The following FBXW4 variants were observed in gnomAD, a reference collection of about 807,000 sequenced individuals.
The protein encoded by FBXW4 is F-box/WD repeat-containing protein 4.
A neutral mutation model predicts 61.8 loss-of-function variants in FBXW4; 40 were observed. That is an observed-to-expected ratio of 0.65 (90% confidence interval 0.50 to 0.84). The LOEUF (loss-of-function observed/expected upper bound fraction) is 0.84, where lower values mean the gene tolerates loss of function less well. FBXW4 is among the 40% of genes least tolerant of loss of function. FBXW4 has a pLI of 0.00. For synonymous variants in FBXW4, 311 were observed against 313.8 expected (o/e 0.99, Z 0.10); for missense variants, 672 against 753.8 (o/e 0.89, Z 1.27).
intron 6 of FBXW4, among the ~76,000 whole-genome samples, chr10:101,613,650 C>T (rs2063804966): frequency 6.6e-6 from 1 of 152,228 alleles, no homozygotes; most frequent in African/African-American, 2.4e-5. Context: ...GTCCTTCCAC[C>T]TCACTGAGAC....
chr10:101,670,002 G>A (rs565992029), intron 4 of FBXW4, among the ~76,000 whole-genome samples: 1 of 152,068 alleles, frequency 6.6e-6, no homozygotes, highest in African/African-American at 2.4e-5. Context: ...TGATCCACCC[G>A]CCTCAGCCTC....
chr10:101,682,340 G>A (rs745872245), intron 1 of FBXW4, among the ~76,000 whole-genome samples: 3 of 151,940 alleles, frequency 2.0e-5, no homozygotes, highest in Non-Finnish European at 2.9e-5. Flanking sequence ...TCACTATAGA[G>A]CCACCTACAC....
At position 101,611,681 on chromosome 10, in the gene FBXW4, A is replaced by C. The variant is rs377362266; in HGVS notation, c.1531T>G (p.Ser511Ala). 10 of 1,614,074 alleles carry C rather than the reference A, an allele frequency of 6.2e-6. No individual in the cohort carries two copies. Among genetic ancestry groups the C allele is most frequent in the Non-Finnish European group, 8.5e-6 (10 of 1,180,040 alleles). ...DGNHLLATGS[S>A]YYGVVRLWDR... ...CACAGCCGTACAACACCGTAGTAGG[A>C]GGAACCTGTGGCCAGCAGGTGGTTG... is the stretch of plus-strand genomic sequence containing the variant. Residue 511 changes from serine (S) to alanine (A), a missense_variant, in exon 8 of 9, where the codon TCC (serine) becomes GCC (alanine). Physicochemically the swap from Ser to Ala is moderately conservative, Grantham distance 99. This residue lies in a region of FBXW4 where 312 missense variants were observed against 370.1 expected (regional missense o/e 0.84). Transcript: ENST00000331272. The surrounding 1 kb of genome is among the most constrained non-coding windows in gnomAD (Gnocchi z 4.9).
chr10:101,629,291 C>CTT (rs200313671), intron 5 of FBXW4, among the ~76,000 whole-genome samples: 15 of 147,236 alleles, frequency 1.0e-4, no homozygotes, highest in East Asian at 9.9e-4. Flanking sequence ...ACCACTTTCC[C>CTT]TTTTTTTTTT....
chr10:101,643,063 G>C (rs906674440), intron 5 of FBXW4, among the ~76,000 whole-genome samples: 1 of 152,182 alleles, frequency 6.6e-6, no homozygotes, highest in Non-Finnish European at 1.5e-5. Flanking sequence ...GGAGAAGGCA[G>C]GGCTTTGCCA....
chr10:101,642,038 C>A (rs1333787150), intron 5 of FBXW4, among the ~76,000 whole-genome samples: 1 of 152,040 alleles, frequency 6.6e-6, no homozygotes, highest in South Asian at 2.1e-4. Flanking sequence ...TGGTGGCACA[C>A]GCCTGTGATC....
At chr10:101,685,623 T>C (rs1440046218) in intron 1 of FBXW4, among the ~76,000 whole-genome samples, 1 of 152,174 alleles carries the variant, frequency 6.6e-6, no homozygotes, top group African/African-American at 2.4e-5. Context: ...GTTCAAACAG[T>C]AACACACCAG....
intron 5 of FBXW4, among the ~76,000 whole-genome samples, chr10:101,655,069 A>C (rs2064174650): frequency 6.6e-6 from 1 of 152,118 alleles, no homozygotes; most frequent in Admixed American, 6.6e-5. Context: ...GGTTCAAGTG[A>C]ACCTCCTACC....
At chr10:101,690,562 T>C (rs950042638) in intron 1 of FBXW4, among the ~76,000 whole-genome samples, 3 of 152,224 alleles carry the variant, frequency 2.0e-5, no homozygotes, top group Admixed American at 6.5e-5. Flanking sequence ...GGTTTTAAAG[T>C]GGCCAGAATG....
intron 5 of FBXW4, among the ~76,000 whole-genome samples, chr10:101,654,039 TGAA>T (rs2064165602): frequency 6.8e-6 from 1 of 146,868 alleles, no homozygotes; most frequent in Non-Finnish European, 1.5e-5. Context: ...GAGAATCACT[TGAA>T]CCCTGGAGGC....
Position 101,672,934 on chromosome 10 carries a change from G to A in FBXW4, c.1121C>T (p.Ser374Phe). 6.2e-7 allele frequency: 1 copy of A among 1,613,924 alleles called. No homozygotes were observed. Among genetic ancestry groups the A allele is most frequent in the South Asian group, 1.1e-5 (1 of 91,060 alleles). Residue 374 changes from serine (S) to phenylalanine (F), a missense_variant, in exon 4 of 9, where the codon TCC becomes TTC. Physicochemically the swap from Ser to Phe is radical, Grantham distance 155. Coordinates refer to ENST00000331272, the MANE Select transcript of FBXW4 (RefSeq NM_022039.4). ...DCKGGIIVSGSRDRTAKVWPL... is the reference protein window; with the variant it reads ...DCKGGIIVSGFRDRTAKVWPL... The stretch of plus-strand genomic sequence containing the variant: ...CCTCACCTTGGCCGTCCTGTCCCTG[G>A]AGCCACTCACAATGATGCCCCCTTT...
Position 101,611,855 on chromosome 10 carries a change from G to T in FBXW4, c.1443-86C>A. ...TTCTTGGGCCTAGAGTGGCTGAGGGGAGCGTTAAGGAGCCATTCCGGGATG... is the reference window on the plus strand; with the variant it reads ...TTCTTGGGCCTAGAGTGGCTGAGGGTAGCGTTAAGGAGCCATTCCGGGATG... On this transcript the variant is annotated intron_variant, in intron 7 of 8. Coordinates refer to ENST00000331272, the MANE Select transcript of FBXW4 (RefSeq NM_022039.4). This position sits in a 1 kb window ranked among gnomAD's most constrained non-coding sequence, Gnocchi z 4.9. The T allele has an allele frequency of 2.8e-6, 4 of 1,417,574 alleles. No homozygotes were observed. Among genetic ancestry groups the T allele is most frequent in the Non-Finnish European group, 3.8e-6 (4 of 1,057,216 alleles). The allele number at this position is 1,417,574 out of a possible 1,614,324, so 87.8% of individuals were successfully genotyped here.
At chr10:101,642,368 T>C (rs997239312) in intron 5 of FBXW4, among the ~76,000 whole-genome samples, 5 of 146,572 alleles carry the variant, frequency 3.4e-5, no homozygotes, top group Admixed American at 2.1e-4. Flanking sequence ...CTGGCCAACA[T>C]AGCGGGACCC....
chr10:101,622,485 T>G (rs1047425220), intron 6 of FBXW4, among the ~76,000 whole-genome samples: 1 of 152,164 alleles, frequency 6.6e-6, no homozygotes, highest in Admixed American at 6.5e-5. Flanking sequence ...CCCAGCACTT[T>G]GGGAGGCCGA....
chr10:101,653,819 C>T (rs535196340), intron 5 of FBXW4, among the ~76,000 whole-genome samples: 13 of 152,208 alleles, frequency 8.5e-5, no homozygotes, highest in African/African-American at 2.6e-4. Flanking sequence ...GCATTCAATA[C>T]ATCCATAAGA....
chr10:101,658,936 C>T (rs777980721), intron 5 of FBXW4, among the ~76,000 whole-genome samples: 8 of 151,936 alleles, frequency 5.3e-5, no homozygotes, highest in Non-Finnish European at 4.4e-5. Flanking sequence ...CATGACAAGG[C>T]CACTGGAACG....
At chr10:101,630,549 C>A (rs2063944509) in intron 5 of FBXW4, among the ~76,000 whole-genome samples, 1 of 152,206 alleles carries the variant, frequency 6.6e-6, no homozygotes, top group Non-Finnish European at 1.5e-5. Context: ...ACCTCCGCCA[C>A]TGACATCATT....
chr10:101,668,388 G>C (rs2064327301), intron 4 of FBXW4, among the ~76,000 whole-genome samples: 1 of 152,138 alleles, frequency 6.6e-6, no homozygotes, highest in African/African-American at 2.4e-5. Context: ...AGTAGGGAGA[G>C]GGAAGAAGAT....
intron 5 of FBXW4, among the ~76,000 whole-genome samples, chr10:101,631,650 C>T (rs1287971511): frequency 7.0e-6 from 1 of 142,952 alleles, no homozygotes; most frequent in Non-Finnish European, 1.5e-5. Flanking sequence ...TTTTTTGAGA[C>T]AGAGTCTCGC....
Sources: allele counts gnomAD v4.1 joint callset (sites outside exome capture counted in the v4.1 genomes callset), GRCh38; gene constraint gnomAD v4.1.1; regional missense constraint gnomAD v4.1.1; non-coding constraint Gnocchi (gnomAD v3.1); transcripts MANE v1.5; gene names NCBI Gene and HGNC (gene_info 2026-07-23, HGNC 2026-07-21).